Variants in USP54 observed in about 807,000 individuals in gnomAD.
The protein encoded by USP54 is ubiquitin specific peptidase 54.
A neutral mutation model predicts 170.5 loss-of-function variants in USP54; 87 were observed. The ratio of observed to expected loss-of-function variants is 0.51; its 90% CI spans 0.43 to 0.61. The LOEUF is 0.61. Ranked by LOEUF, USP54 falls within the 20% of genes least tolerant of loss-of-function variation. USP54 has a pLI of 0.00. For synonymous variants in USP54, 655 were observed against 742.8 expected, an observed-to-expected ratio of 0.88 and a Z score of 1.92; for missense variants, 1,786 against 2,047.8, an observed-to-expected ratio of 0.87 and a Z score of 2.47.
intron 1 of USP54, among the ~76,000 whole-genome samples, chr10:73,601,348 G>GAAGC (rs1336151484): frequency 1.3e-5 from 2 of 152,140 alleles, no homozygotes; most frequent in Admixed American, 1.3e-4. Flanking sequence ...ACCTCAAAAA[G>GAAGC]AAGCAGTAGA....
chr10:73,536,162 C>T (rs1232136261), intron 11 of USP54, 107 bp downstream of exon 11: 5 of 1,470,440 alleles, frequency 3.4e-6, no homozygotes, highest in Non-Finnish European at 4.6e-6. Context: ...AATGGATCCT[C>T]TTTCTCCAAG....
chr10:73,501,762 C>T (rs1388735262), intron 22 of USP54, among the ~76,000 whole-genome samples: 2 of 152,110 alleles, frequency 1.3e-5, no homozygotes, highest in Non-Finnish European at 2.9e-5. Flanking sequence ...CTTTAATATT[C>T]CTCAAACACA....
intron 12 of USP54, among the ~76,000 whole-genome samples, chr10:73,532,369 G>A (rs372020542): frequency 2.5e-3 from 375 of 152,156 alleles, no homozygotes; most frequent in African/African-American, 8.6e-3. Context: ...TAGAGACGGG[G>A]TTTCACCATG....
At chr10:73,538,805 A>C (rs763840653) in intron 10 of USP54, among the ~76,000 whole-genome samples, 2 of 151,900 alleles carry the variant, frequency 1.3e-5, no homozygotes, top group Non-Finnish European at 2.9e-5. Context: ...GAGTGAGGAA[A>C]CCCTATCTCA....
chr10:73,605,283 C>T (rs766444323), intron 1 of USP54, among the ~76,000 whole-genome samples: 1 of 152,158 alleles, frequency 6.6e-6, no homozygotes, highest in African/African-American at 2.4e-5. Flanking sequence ...GCAGGATGGT[C>T]TCCATCTCCT....
intron 5 of USP54, among the ~76,000 whole-genome samples, chr10:73,545,182 T>C (rs2067512133): frequency 6.6e-6 from 1 of 152,162 alleles, no homozygotes; most frequent in South Asian, 2.1e-4. Context: ...AGGAGCAGCA[T>C]CAGTATTAGC....
chr10:73,519,487 A>G (rs2061576423), intron 19 of USP54: 1 of 323,494 alleles, frequency 3.1e-6, no homozygotes, highest in Admixed American at 4.2e-5. Context: ...CTGGATTGCC[A>G]TGTCTAAGAA....
intron 13 of USP54, 44 bp downstream of exon 13, chr10:73,530,660 T>C (rs746428586): frequency 1.2e-5 from 19 of 1,608,454 alleles, no homozygotes; most frequent in South Asian, 2.2e-5. Context: ...AGAAGTTTGA[T>C]AGAGTGAATG....
chr10:73,518,190 T>C lies in USP54; in HGVS notation c.2679-443A>G, dbSNP rs577502564. ...GCTATACAGGGAGGCAAGTCCTACC[T>C]GGGGTCCTGAGAGGCAGCCCGGCCA... On this transcript the variant is annotated intron_variant, in intron 19 of 23. Coordinates refer to ENST00000687698, the MANE Select transcript of USP54 (RefSeq NM_001391956.1). 1.6e-5 allele frequency: 16 copies of C among 985,414 alleles called. No individual in the cohort carries two copies. The African/African-American group carries it at 2.8e-4, about 17-fold the overall frequency. The allele number at this position is 985,414 out of a possible 1,614,324, so 61.0% of individuals were successfully genotyped here. A position where few individuals can be genotyped will look rare whatever the true frequency, so the allele number is the denominator to read the frequency against.
At chr10:73,508,261 G>T (rs12775543) in intron 20 of USP54, among the ~76,000 whole-genome samples, 1 of 152,056 alleles carries the variant, frequency 6.6e-6, no homozygotes, top group African/African-American at 2.4e-5. Flanking sequence ...ACAGAAATCA[G>T]CTGGGTGCGG....
At chr10:73,577,878 C>A (rs2076329378) in intron 1 of USP54, among the ~76,000 whole-genome samples, 1 of 152,182 alleles carries the variant, frequency 6.6e-6, no homozygotes, top group Non-Finnish European at 1.5e-5. Flanking sequence ...CACACACCCT[C>A]ATACACACCC....
chr10:73,552,174 C>T (rs988351654), intron 4 of USP54, among the ~76,000 whole-genome samples: 2 of 152,146 alleles, frequency 1.3e-5, no homozygotes, highest in African/African-American at 2.4e-5. Context: ...CTTAAGGCTT[C>T]AGTTTCTCTT....
At chr10:73,611,629 A>G (rs927955127) in intron 1 of USP54, 2 of 127,156 alleles carry the variant, frequency 1.6e-5, no homozygotes, top group African/African-American at 5.4e-5. Context: ...CGTCTCTACT[A>G]AAAAAAAAAA....
intron 20 of USP54, chr10:73,507,109 A>C (rs2059269052): frequency 6.6e-6 from 1 of 152,008 alleles, no homozygotes; most frequent in Non-Finnish European, 1.5e-5. Flanking sequence ...GTTGCATTAA[A>C]AGGAAAAAAA....
chr10:73,597,943 G>C (rs1053166325), intron 1 of USP54, among the ~76,000 whole-genome samples: 1 of 152,074 alleles, frequency 6.6e-6, no homozygotes, highest in African/African-American at 2.4e-5. Flanking sequence ...AATTAGCTGG[G>C]CATGGTGGTG....
At chr10:73,539,767 T>A (rs1264886428) in intron 9 of USP54, among the ~76,000 whole-genome samples, 174 bp from the exon 10 acceptor site, 1 of 152,180 alleles carries the variant, frequency 6.6e-6, no homozygotes, top group African/African-American at 2.4e-5. Context: ...CAGCACTTTG[T>A]GAGGCCAAGG....
intron 4 of USP54, among the ~76,000 whole-genome samples, chr10:73,561,457 T>TC (rs1257356767): frequency 6.6e-6 from 1 of 152,118 alleles, no homozygotes. Context: ...AGATCCTGTC[T>TC]CCATTTTTTT....
chr10:73,532,724 C>T (rs75794809), intron 12 of USP54, among the ~76,000 whole-genome samples: 14 of 151,968 alleles, frequency 9.2e-5, no homozygotes, highest in Non-Finnish European at 2.9e-5. Context: ...GACACAGAAA[C>T]GTGTTAAAGT....
intron 4 of USP54, among the ~76,000 whole-genome samples, chr10:73,569,557 G>A (rs995396568): frequency 2.0e-5 from 3 of 151,794 alleles, no homozygotes; most frequent in Non-Finnish European, 2.9e-5. Context: ...CGAGGCGGGC[G>A]TCACCTGAAG....
Sources: gnomAD v4.1 joint callset for allele counts (sites outside exome capture counted in the v4.1 genomes callset) on GRCh38, gnomAD v4.1.1 for gene constraint, MANE v1.5 for transcripts, NCBI Gene and HGNC (gene_info 2026-07-23, HGNC 2026-07-21) for gene names.